Variants in FCER2 observed in about 807,000 individuals in gnomAD.
FCER2 encodes the protein Fc epsilon receptor II.
In FCER2, 38 loss-of-function variants were observed where a neutral mutation model predicts 49.7. The ratio of observed to expected loss-of-function variants is 0.76; its 90% CI spans 0.59 to 1.00. FCER2 has a LOEUF of 1.00. Among genes scored for constraint, FCER2 ranks in the 50% least tolerant of loss-of-function variants. The probability of loss-of-function intolerance (pLI) is 0.00; values close to 1 mark genes in which losing one functional copy is unlikely to be tolerated. For missense variants in FCER2, 425 were observed against 419.5 expected, an observed-to-expected ratio of 1.01 and a Z score of -0.11; for synonymous variants, 163 against 164.6, an observed-to-expected ratio of 0.99 and a Z score of 0.07.
Position 7,699,786 on chromosome 19 carries a change from T to G in FCER2, c.-26A>C. ...GGCGGTCCTGCTTGGATTCTCCCGA[T>G]GATGGAGCACTCACTCCCTGACAAC... On this transcript the variant is annotated 5_prime_UTR_variant, in exon 2 of 11. Coordinates refer to ENST00000597921, the MANE Select transcript of FCER2 (RefSeq NM_001220500.2). 6.2e-7 allele frequency: 1 copy of G among 1,612,568 alleles called. No individual in the cohort carries two copies. Among genetic ancestry groups the G allele is most frequent in the Non-Finnish European group, 8.5e-7 (1 of 1,178,714 alleles).
In FCER2 at chr19:7,696,916, T is replaced by C. The variant is rs189595510; in HGVS notation, c.380-2A>G. The C allele has an allele frequency of 5.9e-4, 925 of 1,578,606 alleles. 9 individuals carry two copies. In the Admixed American group the frequency reaches 0.012, roughly 21 times the overall value. ...AAGCTTCGTTCCTCTCGTTCAATTC[T>C]TGGGGAGTCAACAAGGGGCGGTGCT... On this transcript the variant is annotated splice_acceptor_variant, in intron 7 of 10. Coordinates refer to ENST00000597921, the MANE Select transcript of FCER2 (RefSeq NM_001220500.2). LOFTEE classifies it high-confidence loss of function.
intron 10 of FCER2, 64 bp downstream of exon 10, chr19:7,690,095 A>T: frequency 9.7e-7 from 1 of 1,027,106 alleles, no homozygotes; most frequent in Non-Finnish European, 1.5e-6. Context: ...CAGTTTATCT[A>T]GGGAGCTCCT....
chr19:7,694,417 G>A (rs1469599162), intron 8 of FCER2, among the ~76,000 whole-genome samples: 1 of 152,096 alleles, frequency 6.6e-6, no homozygotes, highest in African/African-American at 2.4e-5. Context: ...CCAGGAAGAG[G>A]ACATTTCTGA....
intron 8 of FCER2, among the ~76,000 whole-genome samples, chr19:7,696,380 C>T (rs2033011597): frequency 6.6e-6 from 1 of 151,830 alleles, no homozygotes; most frequent in Non-Finnish European, 1.5e-5. Flanking sequence ...GGATTACAAG[C>T]GTGAGCCACC....
Position 7,689,067 on chromosome 19 carries a change from G to A in FCER2, c.*126C>T, listed in dbSNP as rs755416637. ...GAAGGCAGGGGCCATAGAGGAGCGG[G>A]AGATGTGTCAGCTGCCTCCGTTTGG... On this transcript the variant is annotated 3_prime_UTR_variant, in exon 11 of 11. Coordinates refer to ENST00000597921, the MANE Select transcript of FCER2 (RefSeq NM_001220500.2). 2.7e-5 allele frequency: 18 copies of A among 674,344 alleles called. No individual in the cohort carries two copies. The highest frequency in any genetic ancestry group is 1.1e-4 in the East Asian group (4 of 37,388). The allele number at this position is 674,344 out of a possible 1,614,324, so 41.8% of individuals were successfully genotyped here. A position where few individuals can be genotyped will look rare whatever the true frequency, so the allele number is the denominator to read the frequency against.
chr19:7,691,630 C>T (rs2032874188), intron 8 of FCER2, among the ~76,000 whole-genome samples: 1 of 152,066 alleles, frequency 6.6e-6, no homozygotes, highest in South Asian at 2.1e-4. Flanking sequence ...GCCAGCAGCA[C>T]TTCAACCACC....
Position 7,697,290 on chromosome 19 carries a change from T to G in FCER2, c.262A>C (p.Ile88Leu), listed in dbSNP as rs779315614. 6.2e-7 allele frequency: 1 copy of G among 1,614,054 alleles called. No individual in the cohort carries two copies. The highest frequency in any genetic ancestry group is 1.7e-5 in the Admixed American group (1 of 59,990). The change falls in exon 6 of 11, where the codon ATT (isoleucine) becomes CTT (leucine). Residue 88 changes from isoleucine to leucine, a missense_variant. Transcript: ENST00000597921. ...CGAAGTTCCTCCAGTTCCTGTGAAATCTGCGTGGCTGTTTGCAGGGGAGGG... is the reference window on the plus strand; with the variant it reads ...CGAAGTTCCTCCAGTTCCTGTGAAAGCTGCGTGGCTGTTTGCAGGGGAGGG... ...QMAQKSQSTQ[I>L]SQELEELRAE...
intron 1 of FCER2, chr19:7,700,112 C>G (rs1042271932): frequency 3.5e-6 from 1 of 284,702 alleles, no homozygotes; most frequent in African/African-American, 2.2e-5. Flanking sequence ...CTTAATTAAC[C>G]TGGAAACTTC....
intron 2 of FCER2, chr19:7,699,324 C>T: frequency 1.8e-6 from 2 of 1,134,654 alleles, no homozygotes; most frequent in Non-Finnish European, 2.4e-6. Flanking sequence ...CCAGACCCCA[C>T]CCAAAGGTCT....
In FCER2 at chr19:7,689,335, C is replaced by T. The variant is rs145983387; in HGVS notation, c.824G>A (p.Arg275His). Residue 275 changes from arginine (R) to histidine (H), a missense_variant, in exon 11 of 11, where the codon CGT becomes CAT. By Grantham distance (29) the Arg-to-His change is conservative. Coordinates refer to ENST00000597921, the MANE Select transcript of FCER2 (RefSeq NM_001220500.2). ...SGRWNDAFCD[R>H]KLGAWVCDRL... ...GTCGCACACCCAGGCGCCCAGCTTA[C>T]GGTCGCAGAAGGCGTCGTTCCAGCG... 62 of 1,612,592 alleles carry T rather than the reference C, an allele frequency of 3.8e-5. No individual in the cohort carries two copies. The African/African-American group carries it at 4.5e-4, about 12-fold the overall frequency.
At chr19:7,691,406 C>T (rs943823394) in intron 8 of FCER2, among the ~76,000 whole-genome samples, 18 of 151,784 alleles carry the variant, frequency 1.2e-4, no homozygotes, top group African/African-American at 3.6e-4. Context: ...TGCTTCACAG[C>T]GAGCAGAGCA....
At chr19:7,695,253 A>T (rs1267490970) in intron 8 of FCER2, among the ~76,000 whole-genome samples, 1 of 151,964 alleles carries the variant, frequency 6.6e-6, no homozygotes, top group Non-Finnish European at 1.5e-5. Flanking sequence ...CACCATCTCC[A>T]TTGTCCCATC....
intron 2 of FCER2, 119 bp from the exon 3 acceptor site, chr19:7,698,973 A>G: frequency 9.4e-7 from 1 of 1,062,150 alleles, no homozygotes; most frequent in Admixed American, 2.1e-5. Flanking sequence ...CCCACACTGA[A>G]GCAAAGGGTC....
intron 6 of FCER2, 41 bp downstream of exon 6, chr19:7,697,195 C>T (rs551705532): frequency 6.2e-7 from 1 of 1,610,886 alleles, no homozygotes; most frequent in South Asian, 1.1e-5. Flanking sequence ...TCCCTCCTTC[C>T]CACCCAATCT....
chr19:7,701,605 G>A (rs1170236352), intron 1 of FCER2, among the ~76,000 whole-genome samples: 1 of 152,070 alleles, frequency 6.6e-6, no homozygotes, highest in Admixed American at 6.6e-5. Context: ...CTTGAGCTGG[G>A]AGCCCATTTG....
chr19:7,691,392 C>T (rs912321739), intron 8 of FCER2, among the ~76,000 whole-genome samples: 1 of 151,794 alleles, frequency 6.6e-6, no homozygotes, highest in Non-Finnish European at 1.5e-5. Flanking sequence ...CCCATCATCA[C>T]AAATGCTTCA....
At chr19:7,689,659 C>T (rs62110713) in intron 10 of FCER2, among the ~76,000 whole-genome samples, 43,293 of 151,936 alleles carry the variant, frequency 0.28, 6,809 homozygotes, top group African/African-American at 0.42. Flanking sequence ...ATCACTCTGT[C>T]GCCCAGGCTG....
In FCER2 at chr19:7,692,751, A is replaced by G. The variant is rs970329159; in HGVS notation, c.470-2194T>C. On this transcript the variant is annotated intron_variant, in intron 8 of 10. Transcript: ENST00000597921. Reference sequence around the variant, plus strand: ...CGTTATTATAAATACATTCTTGACCATCAATGCTTCAACTGCTGACACCAT... The same window carrying G: ...CGTTATTATAAATACATTCTTGACCGTCAATGCTTCAACTGCTGACACCAT... 5.9e-5 allele frequency among the ~76,000 whole-genome samples: 9 copies of G among 151,976 alleles called. 1 individual carries two copies. The highest frequency in any genetic ancestry group is 2.2e-4 in the African/African-American group (9 of 41,350).
chr19:7,695,564 C>A (rs1378920324), intron 8 of FCER2, among the ~76,000 whole-genome samples: 6 of 152,052 alleles, frequency 3.9e-5, no homozygotes, highest in Non-Finnish European at 2.9e-5. Flanking sequence ...TTGCTGGAGC[C>A]CAGGAGTTCA....
Sources: allele counts gnomAD v4.1 joint callset (sites outside exome capture counted in the v4.1 genomes callset), GRCh38; gene constraint gnomAD v4.1.1; transcripts MANE v1.5; gene names NCBI Gene and HGNC (gene_info 2026-07-23, HGNC 2026-07-21).